Variants in MED27 observed in about 807,000 individuals in gnomAD.
The protein encoded by MED27 is mediator of RNA polymerase II transcription subunit 27.
A neutral mutation model predicts 38.2 loss-of-function variants in MED27; 30 were observed. That is an observed-to-expected ratio of 0.79 (90% CI 0.59 to 1.07). The LOEUF is 1.07. Ranked by LOEUF, MED27 falls within the 50% of genes least tolerant of loss-of-function variation. MED27 has a pLI of 0.00. For synonymous variants in MED27, 122 were observed against 153.5 expected, an observed-to-expected ratio of 0.79 and a Z score of 1.52; for missense variants, 289 against 397.5, an observed-to-expected ratio of 0.73 and a Z score of 2.32.
At chr9:132,012,277 C>T (rs1370874100) in intron 3 of MED27, among the ~76,000 whole-genome samples, 3 of 152,200 alleles carry the variant, frequency 2.0e-5, no homozygotes, top group Non-Finnish European at 4.4e-5. Flanking sequence ...TGCAGAATCA[C>T]CAAATCGACA....
chr9:131,954,101 G>C (rs544781743), intron 3 of MED27, among the ~76,000 whole-genome samples: 60 of 152,264 alleles, frequency 3.9e-4, no homozygotes, highest in African/African-American at 1.3e-3. Flanking sequence ...ACCATGCCCA[G>C]CCTTTTTATC....
intron 3 of MED27, among the ~76,000 whole-genome samples, chr9:131,966,221 C>CCA (rs372987677): frequency 0.013 from 1,289 of 97,774 alleles, 28 homozygotes; most frequent in African/African-American, 0.046. Context: ...AAAAACAAAA[C>CCA]AAAACCAAAA....
At position 131,881,352 on chromosome 9, in the gene MED27, C is replaced by A. The variant is rs538602218; in HGVS notation, c.723+2706G>T. On this transcript the variant is annotated intron_variant, in intron 6 of 7. Coordinates refer to ENST00000292035, the MANE Select transcript of MED27 (RefSeq NM_004269.4). ...CTAAGATGAGAAATGTGCTTCCCTGCACTAAAGCCTGTGCGTAACCACACC... is the reference window on the plus strand; with the variant it reads ...CTAAGATGAGAAATGTGCTTCCCTGAACTAAAGCCTGTGCGTAACCACACC... Among the ~76,000 whole-genome samples the A allele has an allele frequency of 2.0e-5, 3 of 152,260 alleles. No homozygotes were observed. The East Asian group carries it at 5.8e-4, about 29-fold the overall frequency.
rs1470099999 is a variant in MED27 at position 131,997,605 on chromosome 9, T to G, written c.479+16732A>C. Among the ~76,000 whole-genome samples the G allele has an allele frequency of 6.6e-6, 1 of 152,206 alleles. No individual in the cohort carries two copies. Among genetic ancestry groups the G allele is most frequent in the African/African-American group, 2.4e-5 (1 of 41,446 alleles). On this transcript the variant is annotated intron_variant, in intron 3 of 7. Coordinates refer to ENST00000292035, the MANE Select transcript of MED27 (RefSeq NM_004269.4). This position sits in a 1 kb window ranked among gnomAD's most constrained non-coding sequence, Gnocchi z 4.0. ...TTCTTTCACAGGGGGTGATCCCTAA[T>G]AAATATATTGCAGCCCAATTCCAAC...
At chr9:131,919,492 C>T (rs1830351893) in intron 4 of MED27, among the ~76,000 whole-genome samples, 1 of 152,018 alleles carries the variant, frequency 6.6e-6, no homozygotes, top group African/African-American at 2.4e-5. Flanking sequence ...TTTGAACTCT[C>T]AAGTCAGACT....
intron 4 of MED27, among the ~76,000 whole-genome samples, chr9:131,910,931 T>C (rs79791864): frequency 0.1 from 15,633 of 151,800 alleles, 1,866 homozygotes; most frequent in East Asian, 0.27. Context: ...CAACCACCAG[T>C]TACCTCATCT....
intron 5 of MED27, among the ~76,000 whole-genome samples, chr9:131,887,037 G>A (rs925697505): frequency 6.6e-6 from 1 of 152,062 alleles, no homozygotes; most frequent in Non-Finnish European, 1.5e-5. Context: ...CTTCTTCACT[G>A]TTTACCCTTC....
intron 3 of MED27, among the ~76,000 whole-genome samples, chr9:132,002,788 G>T (rs535746312): frequency 6.6e-6 from 1 of 151,790 alleles, no homozygotes. Flanking sequence ...GGTGGTGCAC[G>T]CCTGTAATCC....
intron 5 of MED27, among the ~76,000 whole-genome samples, chr9:131,893,664 G>C (rs1355548189): frequency 1.3e-5 from 2 of 152,162 alleles, no homozygotes; most frequent in African/African-American, 4.8e-5. Flanking sequence ...ATTCAACTAA[G>C]GGCATCAGGC....
At position 132,006,796 on chromosome 9, in the gene MED27, C is replaced by T. The variant is rs114123049; in HGVS notation, c.479+7541G>A. Reference sequence around the variant, plus strand: ...CCTTGCTCAGTTTAAACAGCAATGACGATCACCCCCCCTTCATGCATCACT... The same window carrying T: ...CCTTGCTCAGTTTAAACAGCAATGATGATCACCCCCCCTTCATGCATCACT... On this transcript the variant is annotated intron_variant, in intron 3 of 7. Coordinates refer to ENST00000292035, the MANE Select transcript of MED27 (RefSeq NM_004269.4). Among the ~76,000 whole-genome samples the T allele has an allele frequency of 2.1e-3, 319 of 152,272 alleles. 1 individual carries two copies. Among genetic ancestry groups the T allele is most frequent in the African/African-American group, 7.5e-3 (311 of 41,560 alleles).
Position 132,052,227 on chromosome 9 carries a change from T to C in MED27, c.348+25215A>G, listed in dbSNP as rs539660842. On this transcript the variant is annotated intron_variant, in intron 2 of 7. Coordinates refer to ENST00000292035, the MANE Select transcript of MED27 (RefSeq NM_004269.4). ...GTACATTTCCTTTAAGAGGGGTCAG[T>C]TATTCGTCTACAAATTTCTGCTTCA... 1.6e-3 allele frequency among the ~76,000 whole-genome samples: 243 copies of C among 152,322 alleles called. 1 individual carries two copies. The highest frequency in any genetic ancestry group is 5.7e-3 in the African/African-American group (237 of 41,574).
intron 6 of MED27, chr9:131,869,285 G>T (rs760543160): frequency 3.0e-6 from 3 of 984,746 alleles, no homozygotes; most frequent in Non-Finnish European, 3.6e-6. Flanking sequence ...GTGATCTTCC[G>T]TCTTGTCAAA....
chr9:132,052,468 GA>G (rs952767362), intron 2 of MED27, among the ~76,000 whole-genome samples: 1 of 151,824 alleles, frequency 6.6e-6, no homozygotes, highest in South Asian at 2.1e-4. Context: ...CATACACAGG[GA>G]AAAAAAATCT....
At chr9:131,901,274 T>TAC (rs1829942672) in intron 4 of MED27, among the ~76,000 whole-genome samples, 4 of 152,182 alleles carry the variant, frequency 2.6e-5, no homozygotes, top group Non-Finnish European at 5.9e-5. Flanking sequence ...CAATGTCTTG[T>TAC]TGAAGAAATG....
chr9:131,992,659 C>G (rs1832002116), intron 3 of MED27, among the ~76,000 whole-genome samples: 1 of 152,190 alleles, frequency 6.6e-6, no homozygotes, highest in Non-Finnish European at 1.5e-5. Context: ...GCCTTGGCCT[C>G]TCAAAGAGCT....
chr9:131,976,264 A>G (rs994661903), intron 3 of MED27, among the ~76,000 whole-genome samples: 6 of 152,170 alleles, frequency 3.9e-5, no homozygotes, highest in Admixed American at 1.3e-4. Context: ...TGGCTAAATC[A>G]AGAAAGCCCA....
chr9:131,965,860 T>TCAC (rs1831327516), intron 3 of MED27, among the ~76,000 whole-genome samples: 2 of 152,048 alleles, frequency 1.3e-5, no homozygotes, highest in Non-Finnish European at 2.9e-5. Flanking sequence ...TAGACCTGTA[T>TCAC]CACCACCACC....
intron 6 of MED27, among the ~76,000 whole-genome samples, chr9:131,877,468 C>A (rs1371717268): frequency 6.6e-6 from 1 of 152,028 alleles, no homozygotes; most frequent in Non-Finnish European, 1.5e-5. Context: ...CTCAGCTACT[C>A]GAGAGGCTGA....
At chr9:132,053,267 A>AT (rs1464178627) in intron 2 of MED27, among the ~76,000 whole-genome samples, 2 of 151,126 alleles carry the variant, frequency 1.3e-5, no homozygotes, top group African/African-American at 4.9e-5. Flanking sequence ...AAAAAAAAAA[A>AT]AAGAAAAAGA....
Sources: gnomAD v4.1 joint callset for allele counts (sites outside exome capture counted in the v4.1 genomes callset) on GRCh38, gnomAD v4.1.1 for gene constraint, Gnocchi (gnomAD v3.1) non-coding constraint, MANE v1.5 for transcripts, NCBI Gene and HGNC (gene_info 2026-07-23, HGNC 2026-07-21) for gene names.